Variants in DLG2 observed in about 807,000 individuals in gnomAD.
DLG2 encodes discs large MAGUK scaffold protein 2.
In DLG2, 45 loss-of-function variants were observed where a neutral mutation model predicts 132.5. The ratio of observed to expected loss-of-function variants is 0.34; its 90% CI spans 0.27 to 0.44. The LOEUF (loss-of-function observed/expected upper bound fraction) is 0.44, where lower values mean the gene tolerates loss of function less well. DLG2 is among the 20% of genes least tolerant of loss of function. DLG2 has a pLI of 1.00. For missense variants in DLG2, 1,045 were observed against 1,196.9 expected (o/e 0.87, Z 1.87); for synonymous variants, 424 against 419.6 (o/e 1.01, Z -0.13).
intron 7 of DLG2, among the ~76,000 whole-genome samples, chr11:84,395,153 T>G (rs1443440737): frequency 6.6e-6 from 1 of 152,214 alleles, no homozygotes; most frequent in Non-Finnish European, 1.5e-5. Context: ...TCAATTTGTT[T>G]ATTTTATTAA....
intron 19 of DLG2, among the ~76,000 whole-genome samples, chr11:83,626,246 T>C (rs530135789): frequency 6.6e-6 from 1 of 152,272 alleles, no homozygotes; most frequent in South Asian, 2.1e-4. Flanking sequence ...GTTGTAAAAA[T>C]CAAAATAGGA....
At chr11:85,427,498 A>C (rs2090851742) in intron 3 of DLG2, among the ~76,000 whole-genome samples, 2 of 152,372 alleles carry the variant, frequency 1.3e-5, no homozygotes, top group East Asian at 3.9e-4. Context: ...AAGAATTTTC[A>C]ATCCAGAATT....
At chr11:83,633,159 C>T (rs765581021) in intron 19 of DLG2, 52 bp downstream of exon 19, 4 of 1,562,602 alleles carry the variant, frequency 2.6e-6, no homozygotes, top group Non-Finnish European at 3.5e-6. Context: ...CCTTTGTTTT[C>T]TCAAGTTGAA....
intron 7 of DLG2, among the ~76,000 whole-genome samples, chr11:84,441,367 G>A (rs2099016956): frequency 1.3e-5 from 2 of 151,942 alleles, no homozygotes; most frequent in African/African-American, 4.8e-5. Context: ...TGCCCAGGCT[G>A]GTCTTGAACT....
chr11:84,911,376 T>A (rs17808947), intron 6 of DLG2, among the ~76,000 whole-genome samples: 2,816 of 151,954 alleles, frequency 0.019, 35 homozygotes, highest in Middle Eastern at 0.038. Flanking sequence ...TTTTATGACT[T>A]AATTATATCC....
chr11:85,420,481 C>T (rs529596676), intron 3 of DLG2, among the ~76,000 whole-genome samples: 1 of 152,300 alleles, frequency 6.6e-6, no homozygotes, highest in Admixed American at 6.5e-5. Flanking sequence ...CCACTGCTAT[C>T]TTCAGAGCTG....
intron 7 of DLG2, among the ~76,000 whole-genome samples, chr11:84,512,253 T>A (rs2099259148): frequency 6.6e-6 from 1 of 152,182 alleles, no homozygotes; most frequent in Admixed American, 6.5e-5. Context: ...TGAGCTTTCT[T>A]CAGCTTTTCT....
intron 4 of DLG2, 42 bp downstream of exon 4, chr11:85,285,178 T>TC: frequency 6.3e-7 from 1 of 1,575,054 alleles, no homozygotes. Flanking sequence ...GTGGCCTAAG[T>TC]CCTAGTATTA....
chr11:85,225,249 T>G (rs1463351092), intron 4 of DLG2, among the ~76,000 whole-genome samples: 1 of 152,106 alleles, frequency 6.6e-6, no homozygotes, highest in Admixed American at 6.6e-5. Context: ...CAGCAATCCT[T>G]TCAGTTGTCT....
intron 6 of DLG2, among the ~76,000 whole-genome samples, chr11:84,857,431 T>G (rs757808942): frequency 6.6e-6 from 1 of 152,012 alleles, no homozygotes; most frequent in Non-Finnish European, 1.5e-5. Flanking sequence ...GTATTGATTT[T>G]TTTTTAATGA....
intron 8 of DLG2, among the ~76,000 whole-genome samples, chr11:84,238,450 G>T (rs1022742753): frequency 1.3e-5 from 2 of 151,840 alleles, no homozygotes; most frequent in African/African-American, 4.8e-5. Context: ...AGCCCAGGAG[G>T]TCCAGGCTAC....
intron 6 of DLG2, among the ~76,000 whole-genome samples, chr11:84,834,918 T>G (rs988062046): frequency 1.6e-4 from 24 of 151,540 alleles, no homozygotes; most frequent in Non-Finnish European, 2.2e-4. Flanking sequence ...AAAAAAATTT[T>G]TGGGAAAAAA....
intron 6 of DLG2, among the ~76,000 whole-genome samples, chr11:85,077,724 G>A (rs901731257): frequency 1.3e-5 from 2 of 151,960 alleles, no homozygotes; most frequent in Admixed American, 6.6e-5. Flanking sequence ...TCTGTGTGGG[G>A]AATATGTTCA....
At chr11:85,443,801 A>G (rs1597385675) in intron 3 of DLG2, among the ~76,000 whole-genome samples, 2 of 152,204 alleles carry the variant, frequency 1.3e-5, no homozygotes, top group East Asian at 3.8e-4. Context: ...TGGAAGGAAT[A>G]TGTTCATAAC....
intron 6 of DLG2, among the ~76,000 whole-genome samples, chr11:84,859,923 C>A (rs75318136): frequency 1.3e-5 from 2 of 152,114 alleles, no homozygotes; most frequent in Non-Finnish European, 2.9e-5. Flanking sequence ...ACCTCCTCTA[C>A]GCAGCCTCTC....
chr11:84,338,767 C>T (rs1482038435), intron 7 of DLG2, among the ~76,000 whole-genome samples: 1 of 152,122 alleles, frequency 6.6e-6, no homozygotes, highest in Non-Finnish European at 1.5e-5. Context: ...GATGGCGCCA[C>T]TGCACTCCAG....
intron 11 of DLG2, among the ~76,000 whole-genome samples, chr11:84,025,323 T>G (rs2095509016): frequency 6.6e-6 from 1 of 152,082 alleles, no homozygotes; most frequent in Non-Finnish European, 1.5e-5. Context: ...CTTGTAAAAC[T>G]ACTAGATCTC....
chr11:85,005,910 T>C (rs2058617535), intron 6 of DLG2, among the ~76,000 whole-genome samples: 1 of 152,194 alleles, frequency 6.6e-6, no homozygotes, highest in African/African-American at 2.4e-5. Flanking sequence ...CAATACCTAG[T>C]TCATTGAGAG....
intron 4 of DLG2, among the ~76,000 whole-genome samples, chr11:85,198,552 T>C (rs1025042702): frequency 1.3e-5 from 2 of 152,152 alleles, no homozygotes; most frequent in African/African-American, 4.8e-5. Flanking sequence ...AGAAGTAAAA[T>C]TGAAGGCAAG....
Sources: gnomAD v4.1 joint callset for allele counts (sites outside exome capture counted in the v4.1 genomes callset) on GRCh38, gnomAD v4.1.1 for gene constraint, MANE v1.5 for transcripts, NCBI Gene and HGNC (gene_info 2026-07-23, HGNC 2026-07-21) for gene names.